Variants in SORCS3 observed in about 807,000 individuals in gnomAD.
SORCS3 encodes sortilin related VPS10 domain containing receptor 3, also known as VPS10 domain-containing receptor SorCS3.
A neutral mutation model predicts 146.3 loss-of-function variants in SORCS3; 57 were observed. That is an observed-to-expected ratio of 0.39 (90% confidence interval 0.31 to 0.49). The LOEUF (loss-of-function observed/expected upper bound fraction) is 0.49, where lower values mean the gene tolerates loss of function less well. SORCS3 is among the 20% of genes least tolerant of loss of function. The probability of loss-of-function intolerance (pLI) is 0.92; values close to 1 mark genes in which losing one functional copy is unlikely to be tolerated. For missense variants in SORCS3, 1,341 were observed against 1,575.5 expected (o/e 0.85, Z 2.52); for synonymous variants, 653 against 618.5 (o/e 1.06, Z -0.83).
chr10:104,987,417 TTA>T (rs2054968715), intron 4 of SORCS3, among the ~76,000 whole-genome samples: 1 of 152,172 alleles, frequency 6.6e-6, no homozygotes, highest in East Asian at 1.9e-4. Context: ...CATGACTAGT[TTA>T]TGTTTATCCT....
At chr10:104,959,895 G>T (rs1341605286) in intron 3 of SORCS3, among the ~76,000 whole-genome samples, 1 of 152,140 alleles carries the variant, frequency 6.6e-6, no homozygotes, top group Non-Finnish European at 1.5e-5. Context: ...GGGTGAACAG[G>T]ATCAGTCCCT....
At chr10:104,949,134 C>A (rs17118031) in intron 3 of SORCS3, among the ~76,000 whole-genome samples, 1 of 151,864 alleles carries the variant, frequency 6.6e-6, no homozygotes, top group East Asian at 1.9e-4. Context: ...TCAATAGGTC[C>A]CATCAGCACA....
chr10:105,133,530 G>A (rs1015700794), intron 7 of SORCS3, among the ~76,000 whole-genome samples: 1 of 152,152 alleles, frequency 6.6e-6, no homozygotes, highest in African/African-American at 2.4e-5. Flanking sequence ...GGGCAAATTA[G>A]TTGCTCTCTC....
At chr10:104,982,965 C>T (rs896554753) in intron 4 of SORCS3, among the ~76,000 whole-genome samples, 4 of 152,178 alleles carry the variant, frequency 2.6e-5, no homozygotes, top group Non-Finnish European at 4.4e-5. Flanking sequence ...AAATGTGGCT[C>T]TGGTGGCCTG....
intron 20 of SORCS3, among the ~76,000 whole-genome samples, chr10:105,225,357 T>C (rs2056728148): frequency 6.6e-6 from 1 of 152,100 alleles, no homozygotes. Flanking sequence ...TCCATTGTAT[T>C]AACTTTGCTC....
At chr10:105,050,761 G>T (rs1233139922) in intron 5 of SORCS3, among the ~76,000 whole-genome samples, 1 of 152,074 alleles carries the variant, frequency 6.6e-6, no homozygotes, top group Admixed American at 6.6e-5. Flanking sequence ...TAACCAATAT[G>T]CTTTTCTCTG....
chr10:105,033,515 G>C (rs934850670), intron 4 of SORCS3, among the ~76,000 whole-genome samples: 1 of 152,160 alleles, frequency 6.6e-6, no homozygotes, highest in African/African-American at 2.4e-5. Flanking sequence ...CAGTTTCTAT[G>C]GGGAGATTAA....
At chr10:104,662,982 A>G (rs1022693420) in intron 1 of SORCS3, among the ~76,000 whole-genome samples, 6 of 152,220 alleles carry the variant, frequency 3.9e-5, no homozygotes, top group Non-Finnish European at 5.9e-5. Flanking sequence ...AAAGGCTCAG[A>G]GAGGCTGAGT....
At chr10:105,073,357 T>C (rs541543832) in intron 5 of SORCS3, among the ~76,000 whole-genome samples, 2 of 152,312 alleles carry the variant, frequency 1.3e-5, no homozygotes, top group African/African-American at 4.8e-5. Context: ...AGGGGATATT[T>C]CACCCTTGTT....
chr10:104,722,875 CT>C lies in SORCS3; in HGVS notation c.627+80924del, dbSNP rs1428079078. ...CTATTTGATTCTTCTCTCTTTTCTTCTTTATTAGTCTTGCTAGCGGTCTATC... is the reference window on the plus strand; with the variant it reads ...CTATTTGATTCTTCTCTCTTTTCTTCTTATTAGTCTTGCTAGCGGTCTATC... On this transcript the variant is annotated intron_variant, in intron 1 of 26. Transcript: ENST00000369701. Among the ~76,000 whole-genome samples, 3 of 152,044 alleles carry C rather than the reference CT, an allele frequency of 2.0e-5. No homozygotes were observed. The East Asian group carries it at 5.8e-4, about 29-fold the overall frequency.
chr10:104,747,672 A>G (rs138208812), intron 1 of SORCS3, among the ~76,000 whole-genome samples: 1,882 of 152,320 alleles, frequency 0.012, 32 homozygotes, highest in African/African-American at 0.038. Context: ...GCATTATCCT[A>G]TAACTCTGGG....
intron 7 of SORCS3, among the ~76,000 whole-genome samples, chr10:105,116,770 A>T (rs2055896401): frequency 6.6e-6 from 1 of 152,164 alleles, no homozygotes; most frequent in African/African-American, 2.4e-5. Context: ...TATCCTAAGC[A>T]AACTAACACG....
chr10:105,071,073 T>G (rs868379152), intron 5 of SORCS3, among the ~76,000 whole-genome samples: 3 of 151,924 alleles, frequency 2.0e-5, no homozygotes, highest in African/African-American at 4.8e-5. Flanking sequence ...ATTTGGAGAG[T>G]GTAGGACTCC....
chr10:104,652,989 A>G (rs558131617), intron 1 of SORCS3, among the ~76,000 whole-genome samples: 4 of 152,264 alleles, frequency 2.6e-5, no homozygotes, highest in Non-Finnish European at 5.9e-5. Context: ...CTTAGGAAAT[A>G]ACTTGAACAT....
At chr10:104,921,799 C>T (rs2019089982) in intron 3 of SORCS3, among the ~76,000 whole-genome samples, 1 of 152,082 alleles carries the variant, frequency 6.6e-6, no homozygotes, top group Non-Finnish European at 1.5e-5. Flanking sequence ...AGGGTTGGTG[C>T]CACTACCACA....
chr10:104,665,604 C>T (rs1232179618), intron 1 of SORCS3: 1 of 152,278 alleles, frequency 6.6e-6, no homozygotes, highest in Non-Finnish European at 1.5e-5. Flanking sequence ...CTTCCTCCAG[C>T]AGTGCAGCCA....
intron 20 of SORCS3, among the ~76,000 whole-genome samples, chr10:105,233,800 A>T (rs2056778191): frequency 6.6e-6 from 1 of 152,154 alleles, no homozygotes; most frequent in Non-Finnish European, 1.5e-5. Flanking sequence ...TTCTTTATCC[A>T]GTCTACCATT....
At chr10:104,668,413 TG>T (rs1390816136) in intron 1 of SORCS3, among the ~76,000 whole-genome samples, 1 of 152,192 alleles carries the variant, frequency 6.6e-6, no homozygotes, top group Admixed American at 6.5e-5. Context: ...CCACAGGGTT[TG>T]GAGTGAGAGA....
At chr10:105,213,859 C>G (rs2056649027) in intron 17 of SORCS3, among the ~76,000 whole-genome samples, 2 of 121,780 alleles carry the variant, frequency 1.6e-5, no homozygotes, top group Non-Finnish European at 1.8e-5. Context: ...GAAATATTAG[C>G]AAGGAGAAAA....
Sources: gnomAD v4.1 joint callset for allele counts (sites outside exome capture counted in the v4.1 genomes callset) on GRCh38, gnomAD v4.1.1 for gene constraint, MANE v1.5 for transcripts, NCBI Gene and HGNC (gene_info 2026-07-23, HGNC 2026-07-21) for gene names.